The following PLEKHG1 variants were observed in gnomAD, a reference collection of about 807,000 sequenced individuals.
PLEKHG1 encodes the protein pleckstrin homology domain-containing family G member 1.
In PLEKHG1, 44 loss-of-function variants were observed where a neutral mutation model predicts 100.8. The ratio of observed to expected loss-of-function variants is 0.44; its 90% CI spans 0.34 to 0.56. PLEKHG1 has a LOEUF of 0.56. PLEKHG1 is among the 20% of genes least tolerant of loss of function. The probability of loss-of-function intolerance (pLI) is 0.01; values close to 1 mark genes in which losing one functional copy is unlikely to be tolerated. For missense variants in PLEKHG1, 1,545 were observed against 1,720.9 expected, an observed-to-expected ratio of 0.90 and a Z score of 1.81; for synonymous variants, 640 against 662.5, an observed-to-expected ratio of 0.97 and a Z score of 0.52.
chr6:150,687,638 C>G (rs181090646), intron 3 of PLEKHG1, among the ~76,000 whole-genome samples: 1 of 152,160 alleles, frequency 6.6e-6, no homozygotes, highest in South Asian at 2.1e-4. Flanking sequence ...TTGGTCTTGC[C>G]GACGATGGAC....
intron 2 of PLEKHG1, among the ~76,000 whole-genome samples, chr6:150,761,555 A>G (rs1784163693): frequency 6.6e-6 from 1 of 152,144 alleles, no homozygotes; most frequent in Non-Finnish European, 1.5e-5. Flanking sequence ...TCGGCCTCCC[A>G]AAGTGCTGGG....
At chr6:150,657,199 G>A (rs1779004215) in intron 3 of PLEKHG1, among the ~76,000 whole-genome samples, 1 of 152,000 alleles carries the variant, frequency 6.6e-6, no homozygotes, top group Admixed American at 6.6e-5. Context: ...AAATTACTTA[G>A]CCGAAGTTGT....
chr6:150,796,111 G>A (rs562652316), intron 5 of PLEKHG1, among the ~76,000 whole-genome samples: 2 of 152,212 alleles, frequency 1.3e-5, no homozygotes, highest in East Asian at 1.9e-4. Flanking sequence ...AGCCAGTGTG[G>A]GGAAAAATTG....
chr6:150,727,795 C>T (rs1038199580), intron 1 of PLEKHG1, among the ~76,000 whole-genome samples: 1 of 152,094 alleles, frequency 6.6e-6, no homozygotes, highest in Non-Finnish European at 1.5e-5. Context: ...AAAAGATATA[C>T]CTGATATAAG....
At chr6:150,672,751 G>C (rs924093443) in intron 3 of PLEKHG1, among the ~76,000 whole-genome samples, 1 of 152,188 alleles carries the variant, frequency 6.6e-6, no homozygotes, top group African/African-American at 2.4e-5. Context: ...TGAGAAGAAA[G>C]TGTACCATTT....
At chr6:150,630,333 G>A (rs1189694197) in intron 1 of PLEKHG1, among the ~76,000 whole-genome samples, 1 of 152,220 alleles carries the variant, frequency 6.6e-6, no homozygotes, top group African/African-American at 2.4e-5. Flanking sequence ...TCAGTGGCCA[G>A]GAGGTGACTG....
intron 2 of PLEKHG1, among the ~76,000 whole-genome samples, chr6:150,759,101 T>G (rs9397353): frequency 0.37 from 55,902 of 152,006 alleles, 12,619 homozygotes; most frequent in African/African-American, 0.62. Context: ...GCCCACCGTG[T>G]GGTGGCTGGC....
intron 1 of PLEKHG1, among the ~76,000 whole-genome samples, chr6:150,631,019 G>A (rs1381605274): frequency 6.6e-6 from 1 of 152,114 alleles, no homozygotes; most frequent in East Asian, 1.9e-4. Context: ...GAGTGGAGGG[G>A]GCCAAAGTCT....
At chr6:150,712,283 G>A (rs1039256032) in intron 3 of PLEKHG1, among the ~76,000 whole-genome samples, 5 of 152,242 alleles carry the variant, frequency 3.3e-5, no homozygotes, top group Middle Eastern at 3.4e-3. Context: ...GATGCCTCTA[G>A]CCAAACCTAC....
At chr6:150,673,011 A>G (rs1307331630) in intron 3 of PLEKHG1, among the ~76,000 whole-genome samples, 1 of 152,220 alleles carries the variant, frequency 6.6e-6, no homozygotes, top group Non-Finnish European at 1.5e-5. Flanking sequence ...TGGTTGCATT[A>G]TATAAACAAA....
intron 2 of PLEKHG1, among the ~76,000 whole-genome samples, chr6:150,746,268 C>G (rs1350795820): frequency 1.3e-5 from 2 of 152,158 alleles, no homozygotes; most frequent in Admixed American, 6.5e-5. Context: ...GAATTATGTT[C>G]AAATTGTTCC....
rs1205240930 is a variant in PLEKHG1 at position 150,619,467 on chromosome 6, C to A, written c.-203-18613C>A. Among the ~76,000 whole-genome samples, 5 of 152,160 alleles carry A rather than the reference C, an allele frequency of 3.3e-5. No individual in the cohort carries two copies. The East Asian group carries it at 9.6e-4, about 29-fold the overall frequency. On this transcript the variant is annotated intron_variant, in intron 1 of 3. Transcript: ENST00000367326. ...AACCAGTGACTCCAAATTCCTGCTG[C>A]CTTGGAGGGCAATAGAAACTCATAC...
chr6:150,833,219 G>A (rs1431871246), intron 15 of PLEKHG1, among the ~76,000 whole-genome samples: 4 of 150,722 alleles, frequency 2.7e-5, no homozygotes, highest in Admixed American at 2.6e-4. Flanking sequence ...ATTTTTTTGT[G>A]TGTGTGGTTT....
intron 1 of PLEKHG1, among the ~76,000 whole-genome samples, chr6:150,610,051 C>T (rs1027809587): frequency 6.6e-6 from 1 of 152,206 alleles, no homozygotes; most frequent in Non-Finnish European, 1.5e-5. Flanking sequence ...AGCAGGTATG[C>T]CTTCCTTTCA....
chr6:150,811,547 C>G (rs367866281), intron 10 of PLEKHG1, among the ~76,000 whole-genome samples: 3 of 150,136 alleles, frequency 2.0e-5, no homozygotes, highest in Non-Finnish European at 4.4e-5. Flanking sequence ...GTTGGGATGA[C>G]AGGCATGAGC....
intron 2 of PLEKHG1, among the ~76,000 whole-genome samples, chr6:150,640,315 A>G (rs554974772): frequency 3.8e-4 from 58 of 152,204 alleles, no homozygotes; most frequent in Non-Finnish European, 6.8e-4. Context: ...TCAGAAGATG[A>G]TCTTGACTTT....
intron 1 of PLEKHG1, among the ~76,000 whole-genome samples, chr6:150,622,334 T>A (rs2128557671): frequency 6.6e-6 from 1 of 152,328 alleles, no homozygotes; most frequent in Non-Finnish European, 1.5e-5. Flanking sequence ...TTCCCAGCCT[T>A]AATTTTTTTT....
intron 3 of PLEKHG1, among the ~76,000 whole-genome samples, chr6:150,681,729 G>T (rs80026585): frequency 0.029 from 4,462 of 152,102 alleles, 211 homozygotes; most frequent in African/African-American, 0.1. Flanking sequence ...TCCCGGTGGT[G>T]TCTGAGAGAA....
intron 3 of PLEKHG1, among the ~76,000 whole-genome samples, chr6:150,690,299 G>C (rs1164368832): frequency 2.6e-5 from 4 of 152,000 alleles, no homozygotes; most frequent in African/African-American, 9.7e-5. Flanking sequence ...GTGGGATCCT[G>C]GTGCGCCCAT....
Sources: allele counts gnomAD v4.1 joint callset (sites outside exome capture counted in the v4.1 genomes callset), GRCh38; gene constraint gnomAD v4.1.1; transcripts MANE v1.5; gene names NCBI Gene and HGNC (gene_info 2026-07-23, HGNC 2026-07-21).